The following CDC27 variants were observed in gnomAD, a reference collection of about 807,000 sequenced individuals.
CDC27 encodes the protein cell division cycle 27.
A neutral mutation model predicts 109.7 loss-of-function variants in CDC27; 27 were observed. That is an observed-to-expected ratio of 0.25 (90% confidence interval 0.18 to 0.34). CDC27 has a LOEUF of 0.34. Ranked by LOEUF, CDC27 falls within the 10% of genes least tolerant of loss-of-function variation. CDC27 has a pLI of 1.00. For synonymous variants in CDC27, 266 were observed against 333.9 expected (o/e 0.80, Z 2.22); for missense variants, 579 against 960.2 (o/e 0.60, Z 5.25).
chr17:47,148,819 C>G (rs2063058696), intron 9 of CDC27, among the ~76,000 whole-genome samples: 2 of 152,012 alleles, frequency 1.3e-5, no homozygotes, highest in Admixed American at 1.3e-4. Flanking sequence ...GTGGCTCATG[C>G]CTGTAATCTC....
intron 4 of CDC27, among the ~76,000 whole-genome samples, chr17:47,168,147 T>C (rs955382831): frequency 1.3e-5 from 2 of 152,138 alleles, no homozygotes; most frequent in Admixed American, 6.6e-5. Flanking sequence ...ACATAGGCAT[T>C]ACTGATTAAA....
intron 3 of CDC27, chr17:47,170,330 T>TG (rs2063776915): frequency 5.2e-6 from 1 of 191,178 alleles, no homozygotes. Context: ...TGTGAGTAGC[T>TG]GGGACTACAG....
At chr17:47,124,123 G>T (rs919835206) in intron 16 of CDC27, among the ~76,000 whole-genome samples, 163 bp from the exon 17 acceptor site, 1 of 149,502 alleles carries the variant, frequency 6.7e-6, no homozygotes, top group African/African-American at 2.5e-5. Flanking sequence ...AAAATAAAAT[G>T]CATACTTATA....
intron 18 of CDC27, 80 bp from the exon 19 acceptor site, chr17:47,121,097 T>C (rs1401797080): frequency 1.1e-6 from 1 of 881,726 alleles, no homozygotes; most frequent in South Asian, 1.4e-5. Flanking sequence ...GTAAGAAAAA[T>C]TGTATTATAT....
At chr17:47,165,570 T>A (rs1278371162) in intron 4 of CDC27, among the ~76,000 whole-genome samples, 2 of 152,208 alleles carry the variant, frequency 1.3e-5, no homozygotes, top group Non-Finnish European at 2.9e-5. Flanking sequence ...CTAGATACAA[T>A]CTGTGTTGTT....
chr17:47,139,010 T>C, intron 12 of CDC27, 119 bp from the exon 13 acceptor site: 1 of 633,692 alleles, frequency 1.6e-6, no homozygotes. Flanking sequence ...ATGGTTTTTA[T>C]GTGAATGAGT....
intron 4 of CDC27, among the ~76,000 whole-genome samples, chr17:47,166,358 G>A (rs1034299911): frequency 2.6e-5 from 4 of 152,012 alleles, no homozygotes; most frequent in Non-Finnish European, 4.4e-5. Flanking sequence ...TAAGAAATTG[G>A]CCCATTTCAT....
At chr17:47,132,166 A>G (rs1272316613) in intron 15 of CDC27, 91 bp downstream of exon 15, 4 of 682,056 alleles carry the variant, frequency 5.9e-6, no homozygotes, top group Non-Finnish European at 1.0e-5. Context: ...AACACAAAAA[A>G]GGACCAATTT....
At chr17:47,155,594 C>T (rs2063281987) in intron 7 of CDC27, among the ~76,000 whole-genome samples, 1 of 152,102 alleles carries the variant, frequency 6.6e-6, no homozygotes, top group Non-Finnish European at 1.5e-5. Flanking sequence ...TATGTATCCT[C>T]TGGGCTGAGT....
chr17:47,175,039 G>C (rs1335705767), intron 2 of CDC27, among the ~76,000 whole-genome samples: 1 of 129,898 alleles, frequency 7.7e-6, no homozygotes, highest in Non-Finnish European at 1.6e-5. Flanking sequence ...AAGAGAGAGA[G>C]AGGAAGGAAG....
intron 4 of CDC27, among the ~76,000 whole-genome samples, chr17:47,166,926 C>G (rs894163369): frequency 6.6e-6 from 1 of 152,118 alleles, no homozygotes; most frequent in Non-Finnish European, 1.5e-5. Flanking sequence ...GTGATCTCGA[C>G]TCACTGTAAC....
At chr17:47,147,503 A>G (rs1410631242) in intron 9 of CDC27, among the ~76,000 whole-genome samples, 2 of 152,188 alleles carry the variant, frequency 1.3e-5, no homozygotes, top group Non-Finnish European at 2.9e-5. Flanking sequence ...AATATAAGAA[A>G]CACTTAGAAA....
chr17:47,178,031 TTGG>T (rs1269528373), intron 2 of CDC27, among the ~76,000 whole-genome samples: 1 of 152,128 alleles, frequency 6.6e-6, no homozygotes, highest in Non-Finnish European at 1.5e-5. Flanking sequence ...GGATCAGGTA[TTGG>T]TGGTGGGAAA....
chr17:47,121,827 C>T (rs985795302), intron 18 of CDC27, among the ~76,000 whole-genome samples: 1 of 151,720 alleles, frequency 6.6e-6, no homozygotes, highest in African/African-American at 2.4e-5. Context: ...GCAACTTCAG[C>T]CTCCTGGGTT....
chr17:47,120,601 A>AT lies in CDC27; in HGVS notation c.*333dup, dbSNP rs1568353127. 5.4e-6 allele frequency: 1 copy of AT among 186,716 alleles called. No homozygotes were observed. Among genetic ancestry groups the AT allele is most frequent in the Admixed American group, 5.9e-5 (1 of 16,880 alleles). 11.6% of individuals were successfully genotyped at this position (186,716 alleles called of 1,614,324 possible). ...AAACTCTGGTTCATCACTATTTTCC[A>AT]TATCTAATGGTTCCTTCAAGATAAA... On this transcript the variant is annotated 3_prime_UTR_variant, in exon 19 of 19. Coordinates refer to ENST00000066544, the MANE Select transcript of CDC27 (RefSeq NM_001256.6).
chr17:47,148,862 T>C (rs1385442361), intron 9 of CDC27, among the ~76,000 whole-genome samples: 1 of 151,934 alleles, frequency 6.6e-6, no homozygotes. Flanking sequence ...GGCGATCACC[T>C]GAGGTCAGGA....
intron 18 of CDC27, 131 bp downstream of exon 18, chr17:47,122,313 C>T: frequency 1.8e-6 from 1 of 558,262 alleles, no homozygotes; most frequent in Non-Finnish European, 3.0e-6. Context: ...TCACCCTGTT[C>T]AATTTCCCTA....
intron 2 of CDC27, among the ~76,000 whole-genome samples, chr17:47,173,667 A>T (rs796871080): frequency 2.6e-5 from 4 of 152,038 alleles, no homozygotes; most frequent in African/African-American, 9.6e-5. Context: ...AAAGACACCA[A>T]CTATTCTTTT....
chr17:47,188,752 G>A, intron 1 of CDC27: 1 of 1,041,594 alleles, frequency 9.6e-7, no homozygotes, highest in Non-Finnish European at 1.2e-6. Context: ...CTACCGTCAC[G>A]AAGATCACAC....
Sources: gnomAD v4.1 joint callset for allele counts (sites outside exome capture counted in the v4.1 genomes callset) on GRCh38, gnomAD v4.1.1 for gene constraint, MANE v1.5 for transcripts, NCBI Gene and HGNC (gene_info 2026-07-23, HGNC 2026-07-21) for gene names.